The following DOCK7 variants were observed in gnomAD, a reference collection of about 807,000 sequenced individuals.
The protein encoded by DOCK7 is dedicator of cytokinesis 7, also known as dedicator of cytokinesis protein 7.
In DOCK7, 138 loss-of-function variants were observed where a neutral mutation model predicts 271.0. That is an observed-to-expected ratio of 0.51 (90% CI 0.44 to 0.59). The LOEUF (loss-of-function observed/expected upper bound fraction) is 0.59, where lower values mean the gene tolerates loss of function less well. DOCK7 is among the 20% of genes least tolerant of loss of function. The pLI, the probability that DOCK7 is intolerant of heterozygous loss-of-function variation, is 0.00. For synonymous variants in DOCK7, 823 were observed against 876.1 expected, an observed-to-expected ratio of 0.94 and a Z score of 1.07; for missense variants, 2,066 against 2,592.4, an observed-to-expected ratio of 0.80 and a Z score of 4.41.
In DOCK7 at chr1:62,457,569, A is replaced by G; in HGVS notation, c.6349T>C (p.Tyr2117His). 6 of 1,614,208 alleles carry G rather than the reference A, an allele frequency of 3.7e-6. No homozygotes were observed. Among genetic ancestry groups the G allele is most frequent in the Non-Finnish European group, 4.2e-6 (5 of 1,180,030 alleles). Residue 2117 changes from tyrosine to histidine, a missense_variant, in exon 49 of 50, where the codon TAC (tyrosine) becomes CAC (histidine). Transcript: ENST00000635253. Reference sequence around the variant, plus strand: ...CAGGTGACAGGCAATACTGCCTTGTATAACTGAGGGATCTTTCTGTTGATC... The same window carrying G: ...CAGGTGACAGGCAATACTGCCTTGTGTAACTGAGGGATCTTTCTGTTGATC... ...PLINRKIPQL[Y>H]KAVLPVTCHR... is the part of the protein sequence containing the mutation.
chr1:62,492,535 G>A (rs560922378), intron 41 of DOCK7, 169 bp downstream of exon 41: 16 of 700,746 alleles, frequency 2.3e-5, no homozygotes, highest in African/African-American at 5.5e-5. Flanking sequence ...CAATCCTCCC[G>A]TCTTAGCCTC....
chr1:62,492,942 AGGTTAGGTT>A, intron 40 of DOCK7, 95 bp from the exon 41 acceptor site: 2 of 1,036,748 alleles, frequency 1.9e-6, no homozygotes, highest in African/African-American at 1.6e-5. Flanking sequence ...TGTAACTATC[AGGTTAGGTT>A]AAAAAAAGGA....
In DOCK7 at chr1:62,583,208, T is replaced by C. The variant is rs1431145290; in HGVS notation, c.1847A>G (p.Tyr616Cys). ...CCTGTTATGATATACTACGGCTGTATAGGCTTCCTTTGAAAATTCTGAACA... is the reference window on the plus strand; with the variant it reads ...CCTGTTATGATATACTACGGCTGTACAGGCTTCCTTTGAAAATTCTGAACA... Reference protein sequence around the residue: ...SSCSEFSKEAYTAVVYHNRSP... With the variant: ...SSCSEFSKEACTAVVYHNRSP... Residue 616 changes from tyrosine to cysteine, a missense_variant, in exon 16 of 50, where the codon TAT (tyrosine) becomes TGT (cysteine). Transcript: ENST00000635253. 6.2e-7 allele frequency: 1 copy of C among 1,613,394 alleles called. No homozygotes were observed. The highest frequency in any genetic ancestry group is 1.7e-5 in the Admixed American group (1 of 60,010).
At chr1:62,485,800 A>G (rs1646275075) in intron 43 of DOCK7, 1 of 720,726 alleles carries the variant, frequency 1.4e-6, no homozygotes, top group Non-Finnish European at 1.7e-6. Flanking sequence ...AAATGCAGGC[A>G]TCCATTTAAG....
chr1:62,529,259 C>CT lies in DOCK7; in HGVS notation c.3781+17dup. 1 of 1,556,358 alleles carries CT rather than the reference C, an allele frequency of 6.4e-7. No individual in the cohort carries two copies. ...ATTGAGCTTTGCCTTTAATATTTGC[C>CT]TTAATTATACTAGGTACCTGTAAAA... On this transcript the variant is annotated intron_variant, in intron 30 of 49. Coordinates refer to ENST00000635253, the MANE Select transcript of DOCK7 (RefSeq NM_001367561.1).
chr1:62,477,983 AAC>A, intron 43 of DOCK7, 158 bp from the exon 44 acceptor site: 3 of 819,072 alleles, frequency 3.7e-6, no homozygotes, highest in Non-Finnish European at 5.3e-6. Flanking sequence ...AAACAAAGTA[AAC>A]AGTCTTTCCT....
chr1:62,672,911 C>A (rs1394427038), intron 1 of DOCK7, among the ~76,000 whole-genome samples: 1 of 152,030 alleles, frequency 6.6e-6, no homozygotes, highest in East Asian at 1.9e-4. Context: ...CAAAACCCAG[C>A]CTTTCACAGG....
chr1:62,551,948 G>C (rs1645921347), intron 22 of DOCK7, among the ~76,000 whole-genome samples: 1 of 151,662 alleles, frequency 6.6e-6, no homozygotes, highest in Non-Finnish European at 1.5e-5. Flanking sequence ...ATAGAATTAT[G>C]CTAAATGAGT....
chr1:62,506,384 C>G (rs1557640343), intron 35 of DOCK7, among the ~76,000 whole-genome samples: 1 of 152,272 alleles, frequency 6.6e-6, no homozygotes, highest in East Asian at 1.9e-4. Context: ...GGCCGCAGCT[C>G]AAGCAACCAT....
chr1:62,626,362 G>A (rs1653956106), intron 11 of DOCK7, among the ~76,000 whole-genome samples: 1 of 151,834 alleles, frequency 6.6e-6, no homozygotes, highest in Non-Finnish European at 1.5e-5. Context: ...CCAGCAGAAG[G>A]CTACAAGAGG....
intron 42 of DOCK7, 23 bp from the exon 43 acceptor site, chr1:62,487,435 G>C: frequency 6.2e-7 from 1 of 1,609,090 alleles, no homozygotes; most frequent in Non-Finnish European, 8.5e-7. Flanking sequence ...AAGTAAAAAA[G>C]GGCAAGTCAT....
chr1:62,465,206 G>C (rs1645642353), intron 48 of DOCK7, among the ~76,000 whole-genome samples: 1 of 152,170 alleles, frequency 6.6e-6, no homozygotes, highest in African/African-American at 2.4e-5. Flanking sequence ...CTTATCTCCA[G>C]GTGAGCAGTT....
At chr1:62,459,628 T>C (rs1645453716) in intron 48 of DOCK7, among the ~76,000 whole-genome samples, 1 of 152,176 alleles carries the variant, frequency 6.6e-6, no homozygotes, top group Non-Finnish European at 1.5e-5. Flanking sequence ...TCTGTTAATC[T>C]AGATTAATAT....
At chr1:62,482,600 C>A (rs1557605795) in intron 43 of DOCK7, 1 of 152,348 alleles carries the variant, frequency 6.6e-6, no homozygotes, top group East Asian at 1.9e-4. Context: ...CAGACATGAG[C>A]CACCACGCTC....
chr1:62,538,983 G>A (rs1383214290), intron 27 of DOCK7, among the ~76,000 whole-genome samples: 1 of 152,174 alleles, frequency 6.6e-6, no homozygotes. Flanking sequence ...ATGTTTTCTA[G>A]AAGGCAGACT....
intron 37 of DOCK7, among the ~76,000 whole-genome samples, chr1:62,501,569 C>A (rs538727155): frequency 6.6e-6 from 1 of 152,252 alleles, no homozygotes; most frequent in Non-Finnish European, 1.5e-5. Flanking sequence ...AATTTTATCA[C>A]TGTTCATTAA....
At chr1:62,620,449 A>G (rs1653038509) in intron 12 of DOCK7, among the ~76,000 whole-genome samples, 1 of 152,076 alleles carries the variant, frequency 6.6e-6, no homozygotes, top group South Asian at 2.1e-4. Context: ...ATGATTATAA[A>G]TATCATACCA....
intron 35 of DOCK7, 126 bp downstream of exon 35, chr1:62,507,836 G>A (rs1196556711): frequency 5.0e-6 from 4 of 795,396 alleles, no homozygotes; most frequent in South Asian, 3.4e-5. Context: ...AGAATGCTTG[G>A]AACGAAACTT....
chr1:62,559,157 G>A lies in DOCK7; in HGVS notation c.2263C>T (p.Arg755Ter), dbSNP rs751119112. The change falls in exon 20 of 50, where the codon CGA becomes TGA. Residue 755 changes from arginine to a stop codon, truncating the protein, a stop_gained. Coordinates refer to ENST00000635253, the MANE Select transcript of DOCK7 (RefSeq NM_001367561.1). LOFTEE classifies it high-confidence loss of function. ...NALDEHLFPVRIGDMRIMENN... is the reference protein window; with the variant it reads ...NALDEHLFPV ...TCCATGATTCGCATGTCCCCAATTC[G>A]GACTGGGAACAGGTGTTCATCCAGA... 4 of 1,613,362 alleles carry A rather than the reference G, an allele frequency of 2.5e-6. No individual in the cohort carries two copies. The highest frequency in any genetic ancestry group is 3.4e-6 in the Non-Finnish European group (4 of 1,179,816).
Sources: gnomAD v4.1 joint callset for allele counts (sites outside exome capture counted in the v4.1 genomes callset) on GRCh38, gnomAD v4.1.1 for gene constraint, MANE v1.5 for transcripts, NCBI Gene and HGNC (gene_info 2026-07-23, HGNC 2026-07-21) for gene names.